The following SLC35F2 variants were observed in gnomAD, a reference collection of about 807,000 sequenced individuals.
SLC35F2 encodes the protein solute carrier family 35 member F2, also known as queuine/queuosine transporter SLC35F2.
SLC35F2 carries 25 observed loss-of-function variants against 38.1 expected under a neutral mutation model. That is an observed-to-expected ratio of 0.66 (90% CI 0.48 to 0.92). The LOEUF (loss-of-function observed/expected upper bound fraction) is 0.92. Ranked by LOEUF, SLC35F2 falls within the 40% of genes least tolerant of loss-of-function variation. SLC35F2 has a pLI of 0.00. For missense variants in SLC35F2, 409 were observed against 452.9 expected (o/e 0.90, Z 0.88); for synonymous variants, 173 against 181.7 (o/e 0.95, Z 0.38).
chr11:107,805,361 C>T lies in SLC35F2; in HGVS notation c.729G>A (p.Gln243=), dbSNP rs1859374985. The T allele has an allele frequency of 1.2e-6, 2 of 1,611,000 alleles. No individual in the cohort carries two copies. The highest frequency in any genetic ancestry group is 2.7e-5 in the African/African-American group (2 of 74,766). The change falls in exon 5 of 8, where the codon CAG becomes CAA. Residue 243 remains glutamine (Q), a splice_region_variant and synonymous_variant. Transcript: ENST00000525815. ...AGAAAAAAATTGTAGAATCTTACAG[C>T]TGTATACCACTGATAATTGTTCCAA... ...GLFGTIISGI[Q]LLIVEYKDIA...
rs1375461700 is a variant in SLC35F2, at chr11:107,792,348, C to G, written c.*267G>C. 3.2e-6 allele frequency: 1 copy of G among 315,738 alleles called. No homozygotes were observed. Among genetic ancestry groups the G allele is most frequent in the Non-Finnish European group, 5.8e-6 (1 of 173,520 alleles). 19.6% of individuals were successfully genotyped at this position (315,738 alleles called of 1,614,324 possible). A position where few individuals can be genotyped will look rare whatever the true frequency, so the allele number is the denominator to read the frequency against. On this transcript the variant is annotated 3_prime_UTR_variant, in exon 8 of 8. Coordinates refer to ENST00000525815, the MANE Select transcript of SLC35F2 (RefSeq NM_017515.5). ...GCTTTCCCACTGGTGCCTCTAAGAC[C>G]CCAGTGTGGAGTCTGCACCTCATCT... is the stretch of plus-strand genomic sequence containing the variant.
intron 1 of SLC35F2, chr11:107,821,702 T>C: frequency 1.2e-6 from 1 of 818,492 alleles, no homozygotes; most frequent in Non-Finnish European, 1.5e-6. Flanking sequence ...CCTTGGGATA[T>C]ATCCTGTCCC....
At chr11:107,835,701 C>G (rs1158905744) in intron 1 of SLC35F2, among the ~76,000 whole-genome samples, 1 of 151,852 alleles carries the variant, frequency 6.6e-6, no homozygotes, top group Non-Finnish European at 1.5e-5. Context: ...AACACAATGA[C>G]TCTTATTACC....
chr11:107,825,621 G>A (rs192208463), intron 1 of SLC35F2, among the ~76,000 whole-genome samples: 6 of 151,944 alleles, frequency 3.9e-5, no homozygotes, highest in East Asian at 1.9e-4. Flanking sequence ...CGCCCACCTC[G>A]GCCCCCCAAA....
intron 3 of SLC35F2, among the ~76,000 whole-genome samples, chr11:107,808,093 C>T (rs937795435): frequency 3.3e-5 from 5 of 152,296 alleles, no homozygotes; most frequent in African/African-American, 9.6e-5. Context: ...TCACTGGAAT[C>T]GGGCTAAGCG....
chr11:107,798,090 A>G (rs893874008), intron 7 of SLC35F2, among the ~76,000 whole-genome samples: 2 of 151,858 alleles, frequency 1.3e-5, no homozygotes, highest in South Asian at 2.1e-4. Flanking sequence ...TGCAACCTCT[A>G]CCTCCTGGGC....
At chr11:107,823,631 A>G (rs1859709242) in intron 1 of SLC35F2, among the ~76,000 whole-genome samples, 1 of 152,146 alleles carries the variant, frequency 6.6e-6, no homozygotes, top group African/African-American at 2.4e-5. Flanking sequence ...TTAGAAATAA[A>G]TTATAAGTAG....
chr11:107,858,622 G>T, intron 1 of SLC35F2, 36 bp downstream of exon 1: 4 of 1,260,090 alleles, frequency 3.2e-6, no homozygotes, highest in Non-Finnish European at 4.0e-6. Context: ...CCGCCCCCAC[G>T]CCCCAGCGGA....
At chr11:107,829,374 G>A (rs9804577) in intron 1 of SLC35F2, among the ~76,000 whole-genome samples, 12,320 of 151,156 alleles carry the variant, frequency 0.082, 1,412 homozygotes, top group African/African-American at 0.26. Context: ...AACAGAGATC[G>A]TGCCACCGCA....
chr11:107,823,495 G>A (rs979051432), intron 1 of SLC35F2, among the ~76,000 whole-genome samples: 1 of 152,110 alleles, frequency 6.6e-6, no homozygotes, highest in African/African-American at 2.4e-5. Flanking sequence ...ATAACTTCCA[G>A]TACGTCTATA....
chr11:107,847,522 T>A (rs1191042376), intron 1 of SLC35F2, among the ~76,000 whole-genome samples: 2 of 152,204 alleles, frequency 1.3e-5, no homozygotes, highest in East Asian at 3.8e-4. Flanking sequence ...TGGGAGGAAT[T>A]GCTACCATTT....
At chr11:107,820,976 T>G (rs1859661213) in intron 1 of SLC35F2, among the ~76,000 whole-genome samples, 1 of 151,964 alleles carries the variant, frequency 6.6e-6, no homozygotes, top group Non-Finnish European at 1.5e-5. Flanking sequence ...AAAACACCCT[T>G]CTTCAAAGCA....
chr11:107,835,566 A>T (rs1859918657), intron 1 of SLC35F2, among the ~76,000 whole-genome samples: 1 of 151,976 alleles, frequency 6.6e-6, no homozygotes, highest in South Asian at 2.1e-4. Flanking sequence ...AGTAACTGGG[A>T]CTACAGGTGT....
chr11:107,851,487 A>AT lies in SLC35F2; in HGVS notation c.110+7170dup, dbSNP rs1555087663. 2.4e-3 allele frequency among the ~76,000 whole-genome samples: 96 copies of AT among 40,200 alleles called. 1 individual carries two copies. Among genetic ancestry groups the AT allele is most frequent in the African/African-American group, 8.2e-3 (76 of 9,298 alleles). 26.4% of individuals were successfully genotyped at this position (40,200 alleles called of 152,430 possible). A position where few individuals can be genotyped will look rare whatever the true frequency, so the allele number is the denominator to read the frequency against. ...TCAAAAAAAATAAAAATAAAAATAA[A>AT]TTAAAAAAAAAAAAGGCTGAGGTTG... On this transcript the variant is annotated intron_variant, in intron 1 of 7. Coordinates refer to ENST00000525815, the MANE Select transcript of SLC35F2 (RefSeq NM_017515.5).
At chr11:107,849,951 T>C (rs574234312) in intron 1 of SLC35F2, among the ~76,000 whole-genome samples, 1 of 152,210 alleles carries the variant, frequency 6.6e-6, no homozygotes, top group African/African-American at 2.4e-5. Context: ...CCTCCAGTGT[T>C]GAGAAATTAA....
chr11:107,820,451 C>T (rs866727258), intron 1 of SLC35F2, among the ~76,000 whole-genome samples: 6 of 152,054 alleles, frequency 3.9e-5, no homozygotes, highest in Non-Finnish European at 7.4e-5. Flanking sequence ...CCTAAGATCA[C>T]ACAGGAGCAG....
intron 1 of SLC35F2, among the ~76,000 whole-genome samples, chr11:107,855,020 T>C (rs150123877): frequency 2.0e-5 from 3 of 152,304 alleles, no homozygotes; most frequent in Admixed American, 6.5e-5. Flanking sequence ...GCTTAAAATA[T>C]TGAGTATTAG....
At chr11:107,845,822 G>A (rs1860096840) in intron 1 of SLC35F2, among the ~76,000 whole-genome samples, 2 of 151,822 alleles carry the variant, frequency 1.3e-5, no homozygotes, top group African/African-American at 4.8e-5. Context: ...GCGTGGTGGT[G>A]TGCACCTGTA....
At chr11:107,796,970 G>A (rs1859227957) in intron 7 of SLC35F2, among the ~76,000 whole-genome samples, 1 of 152,148 alleles carries the variant, frequency 6.6e-6, no homozygotes, top group Non-Finnish European at 1.5e-5. Flanking sequence ...ACCATGCCCA[G>A]CCTAAGGGAC....
Sources: allele counts gnomAD v4.1 joint callset (sites outside exome capture counted in the v4.1 genomes callset), GRCh38; gene constraint gnomAD v4.1.1; transcripts MANE v1.5; gene names NCBI Gene and HGNC (gene_info 2026-07-23, HGNC 2026-07-21).